The following ADAMTS17 variants were observed in gnomAD, a reference collection of about 807,000 sequenced individuals.
The protein encoded by ADAMTS17 is ADAM metallopeptidase with thrombospondin type 1 motif 17, also known as A disintegrin and metalloproteinase with thrombospondin motifs 17.
ADAMTS17 carries 113 observed loss-of-function variants against 141.5 expected under a neutral mutation model. The observed-to-expected ratio is 0.80, with a 90% CI of 0.69 to 0.93. ADAMTS17 has a LOEUF of 0.93. Ranked by LOEUF, ADAMTS17 falls within the 40% of genes least tolerant of loss-of-function variation. The pLI is 0.00. For missense variants in ADAMTS17, 1,659 were observed against 1,517.9 expected (o/e 1.09, Z -1.54); for synonymous variants, 768 against 630.6 (o/e 1.22, Z -3.27).
At chr15:100,193,476 T>C (rs1284850796) in intron 8 of ADAMTS17, among the ~76,000 whole-genome samples, 1 of 152,098 alleles carries the variant, frequency 6.6e-6, no homozygotes, top group Non-Finnish European at 1.5e-5. Context: ...CTTGGAGGCA[T>C]GGCGGAAAGA....
chr15:100,199,192 G>T, intron 8 of ADAMTS17, 126 bp downstream of exon 8: 3 of 874,158 alleles, frequency 3.4e-6, no homozygotes, highest in Non-Finnish European at 5.7e-6. Context: ...ACTGACCTGG[G>T]TCCTTTATTG....
chr15:100,291,269 G>A (rs1375887220), intron 3 of ADAMTS17, among the ~76,000 whole-genome samples: 1 of 152,192 alleles, frequency 6.6e-6, no homozygotes, highest in East Asian at 1.9e-4. Flanking sequence ...CTAATCATCA[G>A]AGGAATGCAA....
At chr15:100,326,357 A>G (rs1000142598) in intron 3 of ADAMTS17, among the ~76,000 whole-genome samples, 4 of 152,138 alleles carry the variant, frequency 2.6e-5, no homozygotes, top group Non-Finnish European at 4.4e-5. Flanking sequence ...ACAAAATCAT[A>G]TTTTATTTTA....
At chr15:100,284,898 T>C (rs1284903798) in intron 3 of ADAMTS17, among the ~76,000 whole-genome samples, 1 of 152,200 alleles carries the variant, frequency 6.6e-6, no homozygotes, top group Non-Finnish European at 1.5e-5. Flanking sequence ...GGTGGGCGTG[T>C]GGCCAGCCGG....
chr15:100,236,718 G>C, intron 7 of ADAMTS17, among the ~76,000 whole-genome samples: 1 of 152,088 alleles, frequency 6.6e-6, no homozygotes, highest in Non-Finnish European at 1.5e-5. Context: ...CGTGCCTCTT[G>C]TCCCAGCTAC....
At chr15:100,087,981 C>T (rs1306923853) in intron 15 of ADAMTS17, among the ~76,000 whole-genome samples, 1 of 152,190 alleles carries the variant, frequency 6.6e-6, no homozygotes, top group Non-Finnish European at 1.5e-5. Context: ...GTTTGAAGTT[C>T]TGGCCAGGGC....
chr15:100,298,580 G>A (rs949556795), intron 3 of ADAMTS17, among the ~76,000 whole-genome samples: 1 of 152,174 alleles, frequency 6.6e-6, no homozygotes, highest in African/African-American at 2.4e-5. Flanking sequence ...AACTTCCAGG[G>A]AAAGCTGGCT....
chr15:100,205,222 C>T lies in ADAMTS17; in HGVS notation c.1076-5799G>A, dbSNP rs574530853. Among the ~76,000 whole-genome samples the T allele has an allele frequency of 2.2e-3, 336 of 152,208 alleles. 2 individuals carry two copies. The highest frequency in any genetic ancestry group is 8.0e-3 in the African/African-American group (333 of 41,540). On this transcript the variant is annotated intron_variant, in intron 7 of 21. Coordinates refer to ENST00000268070, the MANE Select transcript of ADAMTS17 (RefSeq NM_139057.4). ...GAGTCCCCACAGATGACTCGAGGGT[C>T]CCTGGGCTGGAGCAGTCACTCCTAC...
At chr15:100,195,163 T>C (rs11247166) in intron 8 of ADAMTS17, among the ~76,000 whole-genome samples, 36,057 of 152,070 alleles carry the variant, frequency 0.24, 5,043 homozygotes, top group African/African-American at 0.38. Flanking sequence ...AGGCTGTTGT[T>C]AGCGTGACCG....
intron 7 of ADAMTS17, among the ~76,000 whole-genome samples, chr15:100,236,904 G>A (rs527757003): frequency 6.6e-6 from 1 of 152,116 alleles, no homozygotes; most frequent in Non-Finnish European, 1.5e-5. Context: ...CCAAAACAGA[G>A]CCAGGAATGG....
chr15:100,024,213 C>T lies in ADAMTS17; in HGVS notation c.2591+24644G>A, dbSNP rs149635203. On this transcript the variant is annotated intron_variant, in intron 18 of 21. Transcript: ENST00000268070. The stretch of plus-strand genomic sequence containing the variant: ...GCTCAAGCAATTCTCCTGCGTCGGC[C>T]TCCCGAATAGCTGGGACTACAAGCA... 2.0e-4 allele frequency among the ~76,000 whole-genome samples: 30 copies of T among 152,302 alleles called. No homozygotes were observed. The East Asian group carries it at 5.6e-3, about 28-fold the overall frequency.
chr15:100,235,238 T>C (rs77948063), intron 7 of ADAMTS17, among the ~76,000 whole-genome samples: 8,882 of 152,190 alleles, frequency 0.058, 357 homozygotes, highest in Non-Finnish European at 0.086. Flanking sequence ...AGAAAAGCCA[T>C]GCGTCATGCT....
chr15:100,197,354 TC>T (rs1470506803), intron 8 of ADAMTS17, among the ~76,000 whole-genome samples: 1 of 152,234 alleles, frequency 6.6e-6, no homozygotes, highest in Non-Finnish European at 1.5e-5. Flanking sequence ...TGGTAAGTAC[TC>T]TGACATCCTG....
At position 100,226,843 on chromosome 15, in the gene ADAMTS17, G is replaced by A. The variant is rs370743554; in HGVS notation, c.1075+27293C>T. Among the ~76,000 whole-genome samples the A allele has an allele frequency of 9.9e-4, 151 of 152,242 alleles. 1 individual carries two copies. The South Asian group carries it at 0.022, about 22-fold the overall frequency. On this transcript the variant is annotated intron_variant, in intron 7 of 21. Coordinates refer to ENST00000268070, the MANE Select transcript of ADAMTS17 (RefSeq NM_139057.4). ...TAATACAGTATCTGGTACACAGTTG[G>A]TAACAACAGCTATTAGGTTGAGTCC...
At chr15:100,116,813 G>A (rs758438698) in intron 13 of ADAMTS17, 34 bp downstream of exon 13, 11 of 1,613,646 alleles carry the variant, frequency 6.8e-6, no homozygotes, top group Non-Finnish European at 8.5e-6. Context: ...GAGGACAGGA[G>A]GCTGCCATGC....
intron 13 of ADAMTS17, among the ~76,000 whole-genome samples, chr15:100,109,419 T>G (rs911966244): frequency 1.3e-5 from 2 of 151,532 alleles, no homozygotes; most frequent in African/African-American, 4.9e-5. Flanking sequence ...AAGAGTTGTG[T>G]GCTAATCTCT....
Position 99,974,677 on chromosome 15 carries a change from C to T in ADAMTS17, c.3128-115G>A, listed in dbSNP as rs74036647. On this transcript the variant is annotated intron_variant, in intron 21 of 21. Coordinates refer to ENST00000268070, the MANE Select transcript of ADAMTS17 (RefSeq NM_139057.4). The stretch of plus-strand genomic sequence containing the variant: ...CTGGGCTCCCTCACCCTCGTGCACA[C>T]GTCAACCCTTTGCACTGATTAGGCC... 12,473 of 1,363,570 alleles carry T rather than the reference C, an allele frequency of 9.1e-3. 878 individuals are homozygous for T. The African/African-American group carries it at 0.15, about 17-fold the overall frequency. The allele number at this position is 1,363,570 out of a possible 1,614,324, so 84.5% of individuals were successfully genotyped here. A position where few individuals can be genotyped will look rare whatever the true frequency, so the allele number is the denominator to read the frequency against.
At chr15:100,120,431 T>C (rs1567208610) in intron 12 of ADAMTS17, among the ~76,000 whole-genome samples, 1 of 152,254 alleles carries the variant, frequency 6.6e-6, no homozygotes, top group Admixed American at 6.5e-5. Context: ...GTTTCTGTGT[T>C]CTGACTGTTG....
intron 15 of ADAMTS17, 84 bp downstream of exon 15, chr15:100,096,272 A>G: frequency 6.3e-7 from 1 of 1,597,920 alleles, no homozygotes; most frequent in Non-Finnish European, 8.5e-7. Flanking sequence ...TTAAATATGA[A>G]ATGTAGGGAA....
Sources: allele counts gnomAD v4.1 joint callset (sites outside exome capture counted in the v4.1 genomes callset), GRCh38; gene constraint gnomAD v4.1.1; transcripts MANE v1.5; gene names NCBI Gene and HGNC (gene_info 2026-07-23, HGNC 2026-07-21).